FOXP1: variants seen among roughly 807,000 people sequenced by gnomAD.
FOXP1 encodes the protein forkhead box protein P1.
A neutral mutation model predicts 98.2 loss-of-function variants in FOXP1; 15 were observed. The ratio of observed to expected loss-of-function variants is 0.15; its 90% CI spans 0.10 to 0.24. FOXP1 has a LOEUF of 0.24. FOXP1 is among the 10% of genes least tolerant of loss of function. The pLI is 1.00. For synonymous variants in FOXP1, 371 were observed against 314.5 expected, an observed-to-expected ratio of 1.18 and a Z score of -1.90; for missense variants, 633 against 848.5, an observed-to-expected ratio of 0.75 and a Z score of 3.15.
chr3:71,309,765 G>C (rs1403409444), intron 4 of FOXP1, among the ~76,000 whole-genome samples: 2 of 151,934 alleles, frequency 1.3e-5, no homozygotes, highest in East Asian at 1.9e-4. Flanking sequence ...TATCTGTTCA[G>C]AGTGGGACTT....
intron 5 of FOXP1, among the ~76,000 whole-genome samples, chr3:71,243,427 G>C (rs1576559090): frequency 6.6e-6 from 1 of 152,174 alleles, no homozygotes; most frequent in African/African-American, 2.4e-5. Context: ...TAGCACTCGA[G>C]TCCCGTGCTG....
intron 2 of FOXP1, among the ~76,000 whole-genome samples, chr3:71,538,081 G>T (rs1197934667): frequency 6.6e-6 from 1 of 152,174 alleles, no homozygotes; most frequent in East Asian, 1.9e-4. Flanking sequence ...GAAATTTGCT[G>T]ACCCCTGCAT....
chr3:71,492,439 A>G (rs2091130284), intron 3 of FOXP1, among the ~76,000 whole-genome samples: 1 of 151,204 alleles, frequency 6.6e-6, no homozygotes, highest in Non-Finnish European at 1.5e-5. Context: ...AACAATTGGG[A>G]AACTCCGTCT....
At chr3:71,023,842 C>T (rs547475150) in intron 11 of FOXP1, among the ~76,000 whole-genome samples, 1 of 152,252 alleles carries the variant, frequency 6.6e-6, no homozygotes, top group East Asian at 1.9e-4. Context: ...TGATCATTAG[C>T]TCGAATGAAA....
intron 10 of FOXP1, among the ~76,000 whole-genome samples, chr3:71,043,123 C>T (rs1369986897): frequency 6.6e-6 from 1 of 152,174 alleles, no homozygotes; most frequent in Non-Finnish European, 1.5e-5. Context: ...CGGTTCTCCA[C>T]GAAAATGTTC....
chr3:71,536,560 C>A (rs2044307024), intron 2 of FOXP1, among the ~76,000 whole-genome samples: 1 of 146,580 alleles, frequency 6.8e-6, no homozygotes, highest in African/African-American at 2.6e-5. Context: ...TTAAACACTT[C>A]TAAACCATGT....
chr3:71,146,081 C>A (rs956882873), intron 6 of FOXP1, among the ~76,000 whole-genome samples: 1 of 152,124 alleles, frequency 6.6e-6, no homozygotes, highest in Non-Finnish European at 1.5e-5. Context: ...ATGGGCCCAG[C>A]GTCTTGAGTG....
Position 71,581,674 on chromosome 3 carries a change from C to A in FOXP1, c.-423G>T. The A allele has an allele frequency of 1.0e-6, 1 of 985,814 alleles. No homozygotes were observed. Among genetic ancestry groups the A allele is most frequent in the Non-Finnish European group, 1.2e-6 (1 of 830,090 alleles). The allele number at this position is 985,814 out of a possible 1,614,324, so 61.1% of individuals were successfully genotyped here. On this transcript the variant is annotated 5_prime_UTR_variant, in exon 2 of 21. Transcript: ENST00000649528. Reference sequence around the variant, plus strand: ...CGCTCGCTCGCTCGCCGCGCGCTCTCTTCCTCTTACAAACTTTCGGGTTCT... The same window carrying A: ...CGCTCGCTCGCTCGCCGCGCGCTCTATTCCTCTTACAAACTTTCGGGTTCT...
At chr3:71,380,102 C>T (rs985927465) in intron 3 of FOXP1, among the ~76,000 whole-genome samples, 1 of 152,038 alleles carries the variant, frequency 6.6e-6, no homozygotes, top group Non-Finnish European at 1.5e-5. Flanking sequence ...GAATAATAAA[C>T]CAAAAAGATG....
At chr3:71,369,497 C>T (rs2079146991) in intron 3 of FOXP1, among the ~76,000 whole-genome samples, 3 of 152,176 alleles carry the variant, frequency 2.0e-5, no homozygotes, top group Admixed American at 6.5e-5. Flanking sequence ...TGGGTTCAAG[C>T]GATTCTCCTG....
intron 11 of FOXP1, among the ~76,000 whole-genome samples, chr3:71,034,551 A>T (rs1273320012): frequency 6.6e-6 from 1 of 152,208 alleles, no homozygotes; most frequent in African/African-American, 2.4e-5. Context: ...TAAAAATAAA[A>T]AATAAAAAAA....
At chr3:71,080,941 C>G (rs2054340628) in intron 7 of FOXP1, among the ~76,000 whole-genome samples, 1 of 152,206 alleles carries the variant, frequency 6.6e-6, no homozygotes, top group South Asian at 2.1e-4. Flanking sequence ...AGGTACTAAC[C>G]TTTCCCTTTT....
At chr3:71,330,255 C>A (rs1041475829) in intron 4 of FOXP1, among the ~76,000 whole-genome samples, 1 of 152,164 alleles carries the variant, frequency 6.6e-6, no homozygotes, top group Non-Finnish European at 1.5e-5. Flanking sequence ...TTTCTTAACT[C>A]TAAGGCACAA....
intron 3 of FOXP1, among the ~76,000 whole-genome samples, chr3:71,451,625 T>C (rs1318175568): frequency 1.3e-5 from 2 of 151,996 alleles, no homozygotes; most frequent in Admixed American, 6.6e-5. Context: ...TGATGAACAA[T>C]ACAGTAATTA....
chr3:71,140,049 A>G (rs1575980820), intron 6 of FOXP1, among the ~76,000 whole-genome samples: 1 of 152,346 alleles, frequency 6.6e-6, no homozygotes, highest in South Asian at 2.1e-4. Flanking sequence ...ATATGATAAT[A>G]AAAATCTGTT....
intron 6 of FOXP1, among the ~76,000 whole-genome samples, chr3:71,115,688 C>T (rs1442568295): frequency 1.3e-5 from 2 of 150,606 alleles, no homozygotes; most frequent in Non-Finnish European, 2.9e-5. Context: ...CTCCTCACTT[C>T]AGCAAAGTGT....
At chr3:71,469,279 T>C (rs1417462479) in intron 3 of FOXP1, among the ~76,000 whole-genome samples, 1 of 152,118 alleles carries the variant, frequency 6.6e-6, no homozygotes, top group Non-Finnish European at 1.5e-5. Flanking sequence ...ACTGTTTCCA[T>C]AGTAACCAAC....
chr3:71,396,957 T>TATGTGTGTATATATATACAC (rs2081446595), intron 3 of FOXP1, among the ~76,000 whole-genome samples: 1 of 50,124 alleles, frequency 2.0e-5, no homozygotes, highest in African/African-American at 7.8e-5. Context: ...TGTGTATATA[T>TATGTGTGTATATATATACAC]ATATATGTGT....
intron 5 of FOXP1, among the ~76,000 whole-genome samples, chr3:71,252,214 A>G (rs563823734): frequency 6.6e-6 from 1 of 152,342 alleles, no homozygotes; most frequent in Non-Finnish European, 1.5e-5. Context: ...GTGCTTCAGC[A>G]GCCATCTTGT....
Sources: gnomAD v4.1 joint callset for allele counts (sites outside exome capture counted in the v4.1 genomes callset) on GRCh38, gnomAD v4.1.1 for gene constraint, MANE v1.5 for transcripts, NCBI Gene and HGNC (gene_info 2026-07-23, HGNC 2026-07-21) for gene names.